Variants in CHMP3 observed in about 807,000 individuals in gnomAD.
CHMP3 encodes charged multivesicular body protein 3.
CHMP3 carries 8 observed loss-of-function variants against 27.4 expected under a neutral mutation model. That is an observed-to-expected ratio of 0.29 (90% CI 0.17 to 0.53). The LOEUF (loss-of-function observed/expected upper bound fraction) is 0.53. Ranked by LOEUF, CHMP3 falls within the 20% of genes least tolerant of loss-of-function variation. The pLI is 0.96. For synonymous variants in CHMP3, 86 were observed against 85.5 expected (o/e 1.01, Z -0.03); for missense variants, 208 against 271.5 (o/e 0.77, Z 1.64).
intron 2 of CHMP3, among the ~76,000 whole-genome samples, chr2:86,539,640 CATTT>C (rs1024644079): frequency 7.2e-5 from 11 of 152,164 alleles, no homozygotes; most frequent in African/African-American, 2.6e-4. Context: ...AAGTTTCTAA[CATTT>C]ATTTTTGACA....
At chr2:86,519,583 ATATGAG>A (rs1319237257) in intron 3 of CHMP3, among the ~76,000 whole-genome samples, 7 of 152,356 alleles carry the variant, frequency 4.6e-5, no homozygotes, top group African/African-American at 9.6e-5. Context: ...ATAAACATTC[ATATGAG>A]TATATGAGTA....
intron 2 of CHMP3, among the ~76,000 whole-genome samples, chr2:86,536,423 G>C (rs1676143904): frequency 6.6e-6 from 1 of 151,464 alleles, no homozygotes; most frequent in Admixed American, 6.6e-5. Flanking sequence ...CCTCTTGCAA[G>C]TCAGGTCTAG....
chr2:86,530,410 T>G (rs908824716), intron 2 of CHMP3, among the ~76,000 whole-genome samples: 4 of 152,218 alleles, frequency 2.6e-5, no homozygotes, highest in African/African-American at 9.6e-5. Context: ...TTACGAATTT[T>G]ACTACCCTTG....
intron 3 of CHMP3, among the ~76,000 whole-genome samples, chr2:86,517,648 C>T (rs1020306): frequency 0.38 from 56,940 of 151,126 alleles, 13,178 homozygotes; most frequent in East Asian, 0.75. Context: ...ATCTGGACAC[C>T]AATAATGAAA....
rs372637780 is a variant in CHMP3 at position 86,505,892 on chromosome 2, G to A, written c.581C>T (p.Pro194Leu). ...VTDALPEPEP[P>L]GAMAASEDEE... ...ATCCTCTGAGGCAGCCATCGCTCCT[G>A]GAGGTTCTGGCTCTGGAAGGGCATC... Residue 194 changes from proline (P) to leucine (L), a missense_variant, in exon 6 of 6, where the codon CCA becomes CTA. Physicochemically the swap from Pro to Leu is moderately conservative, Grantham distance 98 (BLOSUM62 -3). This residue lies in a region of CHMP3 where 62 missense variants were observed against 68.4 expected (regional missense o/e 0.91). Coordinates refer to ENST00000263856, the MANE Select transcript of CHMP3 (RefSeq NM_016079.4). The A allele has an allele frequency of 3.3e-5, 52 of 1,596,808 alleles. No individual in the cohort carries two copies. In the African/African-American group the frequency reaches 5.9e-4, roughly 18 times the overall value.
chr2:86,509,687 C>T (rs1018987707), intron 4 of CHMP3, among the ~76,000 whole-genome samples: 7 of 152,188 alleles, frequency 4.6e-5, no homozygotes, highest in African/African-American at 1.7e-4. Flanking sequence ...TATATCTTCA[C>T]TTACAACCAA....
intron 3 of CHMP3, among the ~76,000 whole-genome samples, chr2:86,515,831 G>C (rs1369065093): frequency 1.3e-5 from 2 of 151,836 alleles, no homozygotes; most frequent in Admixed American, 1.3e-4. Flanking sequence ...TTTTTGTATT[G>C]ATCATTAAAA....
chr2:86,553,459 G>A (rs59521243), intron 1 of CHMP3, among the ~76,000 whole-genome samples: 29,237 of 152,006 alleles, frequency 0.19, 3,683 homozygotes, highest in African/African-American at 0.35. Context: ...AGCCTCCCGA[G>A]TAGCTGGGAT....
At chr2:86,512,489 A>G (rs564508197) in intron 3 of CHMP3, 2 of 152,364 alleles carry the variant, frequency 1.3e-5, no homozygotes, top group South Asian at 4.1e-4. Context: ...TATTTAAAAA[A>G]TGTATTTCCT....
intron 1 of CHMP3, 140 bp downstream of exon 1, chr2:86,563,164 C>A: frequency 1.0e-6 from 1 of 996,744 alleles, no homozygotes; most frequent in Non-Finnish European, 1.5e-6. Flanking sequence ...CCTCCGGCCC[C>A]CCTGTCGAGT....
At chr2:86,532,332 G>A (rs1298571320) in intron 2 of CHMP3, among the ~76,000 whole-genome samples, 1 of 151,992 alleles carries the variant, frequency 6.6e-6, no homozygotes, top group Non-Finnish European at 1.5e-5. Flanking sequence ...GTTCTAATAG[G>A]TCTTTTTTGA....
intron 4 of CHMP3, among the ~76,000 whole-genome samples, chr2:86,509,139 G>A (rs1573234987): frequency 6.6e-6 from 1 of 152,154 alleles, no homozygotes; most frequent in Non-Finnish European, 1.5e-5. Context: ...CTCCAAATCT[G>A]TATTACTCCC....
At chr2:86,556,412 T>C (rs969270150) in intron 1 of CHMP3, among the ~76,000 whole-genome samples, 6 of 152,322 alleles carry the variant, frequency 3.9e-5, no homozygotes, top group South Asian at 2.1e-4. Flanking sequence ...AGATTTCAAA[T>C]GTCCAGGTGT....
chr2:86,549,445 G>GACA, intron 1 of CHMP3, among the ~76,000 whole-genome samples: 1 of 145,340 alleles, frequency 6.9e-6, no homozygotes. Flanking sequence ...TCAGTTCCCA[G>GACA]ATGGGGTGGC....
chr2:86,546,880 A>C (rs923167334), intron 1 of CHMP3, among the ~76,000 whole-genome samples: 1 of 152,206 alleles, frequency 6.6e-6, no homozygotes, highest in African/African-American at 2.4e-5. Context: ...TGATAGTAGT[A>C]GACCCTTTAC....
chr2:86,537,570 T>C (rs1676197988), intron 2 of CHMP3, among the ~76,000 whole-genome samples: 1 of 152,204 alleles, frequency 6.6e-6, no homozygotes, highest in African/African-American at 2.4e-5. Flanking sequence ...AACTGAATGT[T>C]TGAATCTTCT....
chr2:86,510,112 C>T (rs1573236209), intron 4 of CHMP3, among the ~76,000 whole-genome samples: 1 of 152,114 alleles, frequency 6.6e-6, no homozygotes, highest in Non-Finnish European at 1.5e-5. Context: ...TCCTTGGATC[C>T]CCCACCTCCT....
chr2:86,529,971 C>T (rs1056945532), intron 2 of CHMP3, among the ~76,000 whole-genome samples: 1 of 152,092 alleles, frequency 6.6e-6, no homozygotes, highest in African/African-American at 2.4e-5. Context: ...GCAACCGTCA[C>T]CTCCACCCAG....
chr2:86,550,298 C>T (rs1676851319), intron 1 of CHMP3, among the ~76,000 whole-genome samples: 1 of 151,956 alleles, frequency 6.6e-6, no homozygotes, highest in Non-Finnish European at 1.5e-5. Context: ...ACCACGGGAG[C>T]CCGGGGCAGG....
Sources: allele counts gnomAD v4.1 joint callset (sites outside exome capture counted in the v4.1 genomes callset), GRCh38; gene constraint gnomAD v4.1.1; regional missense constraint gnomAD v4.1.1; transcripts MANE v1.5; gene names NCBI Gene and HGNC (gene_info 2026-07-23, HGNC 2026-07-21).